Variants in GDPD4 observed in about 807,000 individuals in gnomAD.
GDPD4 encodes glycerophosphodiester phosphodiesterase 6.
A neutral mutation model predicts 67.8 loss-of-function variants in GDPD4; 60 were observed. The ratio of observed to expected loss-of-function variants is 0.88; its 90% CI spans 0.72 to 1.10. The LOEUF (loss-of-function observed/expected upper bound fraction) is 1.10. GDPD4 is among the 50% of genes least tolerant of loss of function. The pLI is 0.00. For missense variants in GDPD4, 623 were observed against 613.9 expected (o/e 1.01, Z -0.16); for synonymous variants, 212 against 210.9 (o/e 1.00, Z -0.04).
intron 11 of GDPD4, among the ~76,000 whole-genome samples, chr11:77,253,767 T>C (rs1958950934): frequency 6.6e-6 from 1 of 152,098 alleles, no homozygotes; most frequent in Non-Finnish European, 1.5e-5. Context: ...AAGTACTTTT[T>C]CCTTGAGAGG....
At chr11:77,282,569 G>A (rs1051489570) in intron 3 of GDPD4, among the ~76,000 whole-genome samples, 2 of 151,812 alleles carry the variant, frequency 1.3e-5, no homozygotes, top group African/African-American at 2.4e-5. Context: ...TGGGAGGATC[G>A]GTCAAGCTTG....
Position 77,216,861 on chromosome 11 carries a change from C to A in GDPD4, c.*416G>T. 2 of 651,280 alleles carry A rather than the reference C, an allele frequency of 3.1e-6. No individual in the cohort carries two copies. Among genetic ancestry groups the A allele is most frequent in the South Asian group, 1.7e-5 (1 of 57,228 alleles). 40.3% of individuals were successfully genotyped at this position (651,280 alleles called of 1,614,324 possible). On this transcript the variant is annotated 3_prime_UTR_variant, in exon 17 of 17. Coordinates refer to ENST00000315938, the MANE Select transcript of GDPD4 (RefSeq NM_182833.3). ...TCTTTGGAAACACAGAAGGCTATGT[C>A]AGATGCAATGGAATATATTGTGACA...
In GDPD4 at chr11:77,295,978, G is replaced by A. The variant is rs192168036; in HGVS notation, c.-254+5627C>T. ...TTAATTAGAAATTTCTTGGCCAGGCGCGGTGGCTCACGCCTGTAATCCCAG... is the reference window on the plus strand; with the variant it reads ...TTAATTAGAAATTTCTTGGCCAGGCACGGTGGCTCACGCCTGTAATCCCAG... On this transcript the variant is annotated intron_variant, in intron 1 of 16. Transcript: ENST00000315938. Among the ~76,000 whole-genome samples the A allele has an allele frequency of 8.7e-3, 1,321 of 152,092 alleles. 31 individuals are homozygous for A. Among genetic ancestry groups the A allele is most frequent in the African/African-American group, 0.03 (1,257 of 41,516 alleles).
chr11:77,299,693 G>A (rs1002427877), intron 1 of GDPD4, among the ~76,000 whole-genome samples: 1 of 152,172 alleles, frequency 6.6e-6, no homozygotes, highest in Non-Finnish European at 1.5e-5. Context: ...GTCCAAGAGA[G>A]TAAGTCCCAA....
chr11:77,229,134 T>G lies in GDPD4; in HGVS notation c.1472+16A>C, dbSNP rs922616715. 2.4e-6 allele frequency: 3 copies of G among 1,244,104 alleles called. No individual in the cohort carries two copies. Among genetic ancestry groups the G allele is most frequent in the African/African-American group, 1.5e-5 (1 of 64,842 alleles). 77.1% of individuals were successfully genotyped at this position (1,244,104 alleles called of 1,614,324 possible). On this transcript the variant is annotated intron_variant, in intron 15 of 16. Transcript: ENST00000315938. Reference sequence around the variant, plus strand: ...TATTTTGGAAAAAATTCATTTAAAATTATATATATACTTACCAGTGAAAAC... The same window carrying G: ...TATTTTGGAAAAAATTCATTTAAAAGTATATATATACTTACCAGTGAAAAC...
intron 1 of GDPD4, among the ~76,000 whole-genome samples, chr11:77,296,075 C>T (rs931292447): frequency 6.6e-6 from 1 of 151,692 alleles, no homozygotes; most frequent in Non-Finnish European, 1.5e-5. Context: ...CACGGTGAAA[C>T]CCCGTCTCTA....
intron 13 of GDPD4, among the ~76,000 whole-genome samples, chr11:77,240,295 T>C (rs1353226396): frequency 6.6e-6 from 1 of 152,116 alleles, no homozygotes; most frequent in African/African-American, 2.4e-5. Flanking sequence ...AACAGACACA[T>C]ACCAGTGGAA....
Position 77,273,463 on chromosome 11 carries a change from C to G in GDPD4, c.208-2070G>C, listed in dbSNP as rs531870308. Among the ~76,000 whole-genome samples the G allele has an allele frequency of 2.8e-4, 42 of 152,210 alleles. No homozygotes were observed. The East Asian group carries it at 7.7e-3, about 28-fold the overall frequency. ...TGCCTTCAGACTCTGTGAACTAGAT[C>G]CCAGAATGCCTCAGAAGATGAAGGC... On this transcript the variant is annotated intron_variant, in intron 5 of 16. Coordinates refer to ENST00000315938, the MANE Select transcript of GDPD4 (RefSeq NM_182833.3).
chr11:77,248,359 C>T (rs1958821165), intron 11 of GDPD4, among the ~76,000 whole-genome samples: 1 of 150,694 alleles, frequency 6.6e-6, no homozygotes, highest in African/African-American at 2.4e-5. Context: ...TGCACGATGA[C>T]GCCCAGCTCA....
At chr11:77,232,780 T>A (rs1474907706) in intron 14 of GDPD4, among the ~76,000 whole-genome samples, 1 of 152,208 alleles carries the variant, frequency 6.6e-6, no homozygotes, top group Non-Finnish European at 1.5e-5. Context: ...AAGGGTTAAA[T>A]GACATAACGC....
chr11:77,276,270 C>T (rs1395775372), intron 4 of GDPD4, 50 bp from the exon 5 acceptor site: 1 of 1,421,636 alleles, frequency 7.0e-7, no homozygotes. Context: ...CACCAAGTTG[C>T]CACCCAAAGC....
intron 2 of GDPD4, among the ~76,000 whole-genome samples, chr11:77,285,415 C>T (rs1959953837): frequency 6.6e-6 from 1 of 152,188 alleles, no homozygotes; most frequent in African/African-American, 2.4e-5. Flanking sequence ...TCTGATGCTA[C>T]ACTGTTTCTT....
chr11:77,260,574 G>A (rs1408584725), intron 10 of GDPD4, among the ~76,000 whole-genome samples: 2 of 152,030 alleles, frequency 1.3e-5, no homozygotes, highest in African/African-American at 4.8e-5. Context: ...TATGGAAGAG[G>A]AATTACTCAA....
chr11:77,242,592 T>C (rs1023876953), intron 13 of GDPD4, among the ~76,000 whole-genome samples: 1 of 151,960 alleles, frequency 6.6e-6, no homozygotes, highest in Non-Finnish European at 1.5e-5. Flanking sequence ...TGACACATAA[T>C]AATAGCTCAA....
At chr11:77,294,692 C>G (rs2135896928) in intron 1 of GDPD4, among the ~76,000 whole-genome samples, 1 of 151,962 alleles carries the variant, frequency 6.6e-6, no homozygotes, top group Admixed American at 6.5e-5. Flanking sequence ...CTAGCCAAAA[C>G]AATTTTGAAA....
intron 4 of GDPD4, among the ~76,000 whole-genome samples, chr11:77,276,667 A>G (rs144530055): frequency 5.6e-4 from 86 of 152,284 alleles, no homozygotes; most frequent in African/African-American, 2.1e-3. Context: ...TGTTGTTACA[A>G]TTGTCAACCA....
intron 13 of GDPD4, among the ~76,000 whole-genome samples, chr11:77,235,671 G>A (rs190568166): frequency 5.9e-4 from 90 of 152,298 alleles, no homozygotes; most frequent in Middle Eastern, 3.4e-3. Flanking sequence ...AAATTCAGCC[G>A]GAGCCAGACA....
chr11:77,276,983 T>C (rs565541884), intron 4 of GDPD4, among the ~76,000 whole-genome samples: 21 of 152,198 alleles, frequency 1.4e-4, no homozygotes, highest in African/African-American at 2.4e-4. Context: ...TACCTAAAGA[T>C]AGAACTAGAA....
chr11:77,283,959 G>A (rs958914265), intron 3 of GDPD4, among the ~76,000 whole-genome samples: 2 of 151,240 alleles, frequency 1.3e-5, no homozygotes, highest in African/African-American at 4.9e-5. Flanking sequence ...AGGCCCAAGG[G>A]ATCCTCCCAC....
Sources: allele counts gnomAD v4.1 joint callset (sites outside exome capture counted in the v4.1 genomes callset), GRCh38; gene constraint gnomAD v4.1.1; transcripts MANE v1.5; gene names NCBI Gene and HGNC (gene_info 2026-07-23, HGNC 2026-07-21).